ACTN4: variants seen among roughly 807,000 people sequenced by gnomAD.
ACTN4 encodes the protein alpha-actinin-4.
In ACTN4, 18 loss-of-function variants were observed where a neutral mutation model predicts 114.2. The observed-to-expected ratio is 0.16, with a 90% CI of 0.11 to 0.23. The LOEUF (loss-of-function observed/expected upper bound fraction) is 0.23, where lower values mean the gene tolerates loss of function less well. Ranked by LOEUF, ACTN4 falls within the 10% of genes least tolerant of loss-of-function variation. The probability of loss-of-function intolerance (pLI) is 1.00; values close to 1 mark genes in which losing one functional copy is unlikely to be tolerated. For synonymous variants in ACTN4, 515 were observed against 506.3 expected, an observed-to-expected ratio of 1.02 and a Z score of -0.23; for missense variants, 722 against 1,262.9, an observed-to-expected ratio of 0.57 and a Z score of 6.49.
chr19:38,712,046 T>C (rs1599839031), intron 8 of ACTN4, among the ~76,000 whole-genome samples: 1 of 152,314 alleles, frequency 6.6e-6, no homozygotes, highest in Non-Finnish European at 1.5e-5. Context: ...GTGTCAGCAG[T>C]TGGCACAGGT....
At chr19:38,673,784 A>ATC (rs1568691231) in intron 1 of ACTN4, among the ~76,000 whole-genome samples, 10 of 67,840 alleles carry the variant, frequency 1.5e-4, no homozygotes, top group Non-Finnish European at 2.5e-4. Flanking sequence ...TATATGTATA[A>ATC]TTTTTTTTTT....
chr19:38,727,923 C>T lies in ACTN4; in HGVS notation c.2338-23C>T, dbSNP rs757176104. On this transcript the variant is annotated intron_variant, in intron 18 of 20. Coordinates refer to ENST00000252699, the MANE Select transcript of ACTN4 (RefSeq NM_004924.6). The surrounding 1 kb of genome is among the most constrained non-coding windows in gnomAD (Gnocchi z 5.4). Reference sequence around the variant, plus strand: ...TCTCCACGCCGCCCCTCCCGCACACCTGCCTTCGGATGGCCCCGGCAGGAT... The same window carrying T: ...TCTCCACGCCGCCCCTCCCGCACACTTGCCTTCGGATGGCCCCGGCAGGAT... The T allele has an allele frequency of 1.2e-6, 2 of 1,611,468 alleles. No individual in the cohort carries two copies. The highest frequency in any genetic ancestry group is 1.1e-5 in the South Asian group (1 of 90,756).
chr19:38,665,207 C>A (rs1029975688), intron 1 of ACTN4, among the ~76,000 whole-genome samples: 1 of 152,150 alleles, frequency 6.6e-6, no homozygotes, highest in Non-Finnish European at 1.5e-5. Context: ...GTGTCAGTGG[C>A]AAGAAGGCTG....
At chr19:38,668,591 C>T (rs762215780) in intron 1 of ACTN4, among the ~76,000 whole-genome samples, 1 of 152,138 alleles carries the variant, frequency 6.6e-6, no homozygotes, top group Non-Finnish European at 1.5e-5. Context: ...GAGGCTGAGG[C>T]AGGGGAATTG....
At position 38,731,451 on chromosome 19, in the gene ACTN4, A is replaced by C; in HGVS notation, c.*2019A>C. 1.7e-6 allele frequency: 1 copy of C among 580,922 alleles called. No homozygotes were observed. The highest frequency in any genetic ancestry group is 2.9e-5 in the East Asian group (1 of 34,628). The allele number at this position is 580,922 out of a possible 1,614,324, so 36.0% of individuals were successfully genotyped here. A position where few individuals can be genotyped will look rare whatever the true frequency, so the allele number is the denominator to read the frequency against. ...CCGACCCCATAGGGTGTGTGAAGAC[A>C]GAACGCTCAGGACAGCGTCTGACAC... On this transcript the variant is annotated 3_prime_UTR_variant, in exon 21 of 21. Coordinates refer to ENST00000252699, the MANE Select transcript of ACTN4 (RefSeq NM_004924.6).
intron 6 of ACTN4, among the ~76,000 whole-genome samples, chr19:38,708,938 C>G (rs992928522): frequency 1.3e-5 from 2 of 152,078 alleles, no homozygotes; most frequent in Non-Finnish European, 1.5e-5. Flanking sequence ...GGGCTTTAGT[C>G]CTGTAAGCAG....
chr19:38,723,465 A>G, intron 12 of ACTN4, 149 bp from the exon 13 acceptor site: 1 of 718,272 alleles, frequency 1.4e-6, no homozygotes, highest in South Asian at 1.5e-5. Context: ...CCAAGCTGTG[A>G]TTTGATTGAC....
chr19:38,690,401 T>C (rs1211866711), intron 1 of ACTN4, among the ~76,000 whole-genome samples: 4 of 152,226 alleles, frequency 2.6e-5, no homozygotes, highest in Non-Finnish European at 5.9e-5. Context: ...CTCGCCATTG[T>C]TCCTGTGCGG....
chr19:38,660,376 A>G (rs1976845801), intron 1 of ACTN4, among the ~76,000 whole-genome samples: 1 of 151,576 alleles, frequency 6.6e-6, no homozygotes, highest in Non-Finnish European at 1.5e-5. Context: ...AGTGCTTCCC[A>G]TGGACTGACT....
In ACTN4 at chr19:38,728,968, T is replaced by C. The variant is rs554291209; in HGVS notation, c.2419-28T>C. ...TGCCCCTGCCCCACTAAATGTCGGG[T>C]GTCCCCCACCCCACCCTCTCCTTGC... is the stretch of plus-strand genomic sequence containing the variant. On this transcript the variant is annotated intron_variant, in intron 19 of 20. Transcript: ENST00000252699. 1.7e-5 allele frequency: 28 copies of C among 1,611,454 alleles called. No individual in the cohort carries two copies. The South Asian group carries it at 3.0e-4, about 17-fold the overall frequency.
intron 7 of ACTN4, 53 bp downstream of exon 7, chr19:38,709,529 G>T: frequency 1.3e-6 from 2 of 1,533,388 alleles, no homozygotes; most frequent in East Asian, 4.5e-5. Flanking sequence ...GGCCTTTTCT[G>T]TCCAGGGCTG....
In ACTN4 at chr19:38,730,256, A is replaced by G. The variant is rs139090612; in HGVS notation, c.*824A>G. 213 of 158,298 alleles carry G rather than the reference A, an allele frequency of 1.3e-3. 4 individuals carry two copies. In the South Asian group the frequency reaches 0.024, roughly 18 times the overall value. The allele number at this position is 158,298 out of a possible 1,614,324, so 9.8% of individuals were successfully genotyped here. A position where few individuals can be genotyped will look rare whatever the true frequency, so the allele number is the denominator to read the frequency against. On this transcript the variant is annotated 3_prime_UTR_variant, in exon 21 of 21. Transcript: ENST00000252699. Reference sequence around the variant, plus strand: ...TATAAATATATATTCACCTAGCAACATATCTCTGCCGTCTCTCCTGCTCTC... The same window carrying G: ...TATAAATATATATTCACCTAGCAACGTATCTCTGCCGTCTCTCCTGCTCTC...
rs772201210 is a variant in ACTN4, at chr19:38,728,049, G to A, written c.2418+23G>A. On this transcript the variant is annotated intron_variant, in intron 19 of 20. Coordinates refer to ENST00000252699, the MANE Select transcript of ACTN4 (RefSeq NM_004924.6). The stretch of plus-strand genomic sequence containing the variant: ...CAGGTACTGCACCCTGGGCCCCAGC[G>A]GACCATGGCATTAACTGCTCTCTCT... 118 of 1,595,316 alleles carry A rather than the reference G, an allele frequency of 7.4e-5. 1 individual carries two copies. The highest frequency in any genetic ancestry group is 7.1e-4 in the Admixed American group (41 of 57,670).
Position 38,691,950 on chromosome 19 carries a change from G to A in ACTN4, c.163-8650G>A, listed in dbSNP as rs529245207. 3.3e-5 allele frequency among the ~76,000 whole-genome samples: 5 copies of A among 152,090 alleles called. No individual in the cohort carries two copies. In the South Asian group the frequency reaches 8.3e-4, roughly 25 times the overall value. On this transcript the variant is annotated intron_variant, in intron 1 of 20. Transcript: ENST00000252699. ...CGTCCTTTGCAGCAGCAACACGCAC[G>A]CTTTCTGGCACCTCAAAGGGGATTG...
At position 38,724,044 on chromosome 19, in the gene ACTN4, C is replaced by T. The variant is rs1226315960; in HGVS notation, c.1659C>T (p.Asp553=). 2 of 1,613,894 alleles carry T rather than the reference C, an allele frequency of 1.2e-6. No homozygotes were observed. Among genetic ancestry groups the T allele is most frequent in the Admixed American group, 1.7e-5 (1 of 60,032 alleles). The change falls in exon 14 of 21, where the codon GAC becomes GAT. Residue 553 remains aspartate, a synonymous_variant. Coordinates refer to ENST00000252699, the MANE Select transcript of ACTN4 (RefSeq NM_004924.6). This position sits in a 1 kb window ranked among gnomAD's most constrained non-coding sequence, Gnocchi z 7.0. The part of the protein sequence containing the change: ...WMESAMEDLQ[D]MFIVHTIEEI... ...AGAGCGCCATGGAGGACCTCCAGGA[C>T]ATGTTCATCGTCCATACCATCGAGG...
chr19:38,671,622 A>G (rs975717636), intron 1 of ACTN4, among the ~76,000 whole-genome samples: 1 of 152,156 alleles, frequency 6.6e-6, no homozygotes, highest in African/African-American at 2.4e-5. Flanking sequence ...GGAAAATGGG[A>G]TATAGTAGAT....
chr19:38,679,562 G>GGTGT (rs752412184), intron 1 of ACTN4, among the ~76,000 whole-genome samples: 1 of 96,296 alleles, frequency 1.0e-5, no homozygotes, highest in African/African-American at 3.3e-5. Flanking sequence ...AATAGATTTG[G>GGTGT]GTGTGCGTGT....
At position 38,676,852 on chromosome 19, in the gene ACTN4, TC is replaced by T. The variant is rs370035879; in HGVS notation, c.163-23745del. ...TTCGAGCAACAGCTCCTGGCGGGTTTCCCTGCATCCCCCCACTCACTCCCAT... is the reference window on the plus strand; with the variant it reads ...TTCGAGCAACAGCTCCTGGCGGGTTTCCTGCATCCCCCCACTCACTCCCAT... On this transcript the variant is annotated intron_variant, in intron 1 of 20. Transcript: ENST00000252699. Among the ~76,000 whole-genome samples, 196 of 152,248 alleles carry T rather than the reference TC, an allele frequency of 1.3e-3. 4 individuals are homozygous for T. The South Asian group carries it at 0.027, about 21-fold the overall frequency.
rs140691651 is a variant in ACTN4 at position 38,719,586 on chromosome 19, C to T, written c.1291+1512C>T. Among the ~76,000 whole-genome samples, 510 of 152,392 alleles carry T rather than the reference C, an allele frequency of 3.3e-3. 1 individual carries two copies. Among genetic ancestry groups the T allele is most frequent in the Middle Eastern group, 0.02 (6 of 294 alleles). The stretch of plus-strand genomic sequence containing the variant: ...TTCCCTCTTGCCTGGCAGAAAGGCA[C>T]CCATGTGAGGAGAGCGTGTTAGCAC... On this transcript the variant is annotated intron_variant, in intron 11 of 20. Coordinates refer to ENST00000252699, the MANE Select transcript of ACTN4 (RefSeq NM_004924.6).
Sources: gnomAD v4.1 joint callset for allele counts (sites outside exome capture counted in the v4.1 genomes callset) on GRCh38, gnomAD v4.1.1 for gene constraint, Gnocchi (gnomAD v3.1) non-coding constraint, MANE v1.5 for transcripts, NCBI Gene and HGNC (gene_info 2026-07-23, HGNC 2026-07-21) for gene names.